EPHB1: variants seen among roughly 807,000 people sequenced by gnomAD.
EPHB1 encodes ephrin type-B receptor 1.
Under a neutral mutation model 94.4 loss-of-function variants are expected in EPHB1, and 30 were observed. That is an observed-to-expected ratio of 0.32 (90% CI 0.24 to 0.43). EPHB1 has a LOEUF of 0.43. Ranked by LOEUF, EPHB1 falls within the 20% of genes least tolerant of loss-of-function variation. The probability of loss-of-function intolerance (pLI) is 1.00; values close to 1 mark genes in which losing one functional copy is unlikely to be tolerated. For synonymous variants in EPHB1, 522 were observed against 489.1 expected (o/e 1.07, Z -0.89); for missense variants, 1,055 against 1,308.3 (o/e 0.81, Z 2.99).
intron 1 of EPHB1, among the ~76,000 whole-genome samples, chr3:134,825,455 T>C (rs1412576049): frequency 6.6e-6 from 1 of 152,250 alleles, no homozygotes; most frequent in Non-Finnish European, 1.5e-5. Flanking sequence ...CATCTAAGCC[T>C]ATAAAAATGC....
At chr3:135,227,157 A>C (rs1943422121) in intron 12 of EPHB1, among the ~76,000 whole-genome samples, 1 of 152,266 alleles carries the variant, frequency 6.6e-6, no homozygotes, top group African/African-American at 2.4e-5. Flanking sequence ...TCTGAAATTT[A>C]AAAACAAATG....
chr3:134,810,304 T>TGTGC (rs1321011059), intron 1 of EPHB1, among the ~76,000 whole-genome samples: 6 of 151,684 alleles, frequency 4.0e-5, no homozygotes, highest in Admixed American at 3.9e-4. Flanking sequence ...TGTGTGTGTG[T>TGTGC]GTGTGTATTT....
intron 3 of EPHB1, among the ~76,000 whole-genome samples, chr3:134,973,425 CTTTTT>C (rs10664147): frequency 6.6e-5 from 6 of 91,016 alleles, no homozygotes; most frequent in South Asian, 4.8e-4. Flanking sequence ...GTCTTCTAGT[CTTTTT>C]TTTTTTTTTT....
chr3:135,166,877 G>A (rs1941665784), intron 8 of EPHB1, 65 bp from the exon 9 acceptor site: 2 of 1,576,624 alleles, frequency 1.3e-6, no homozygotes, highest in African/African-American at 2.7e-5. Flanking sequence ...GGCCTAGATG[G>A]AGGTACCTGG....
At chr3:135,245,207 C>T (rs764226357) in intron 13 of EPHB1, among the ~76,000 whole-genome samples, 29 of 152,186 alleles carry the variant, frequency 1.9e-4, no homozygotes, top group Non-Finnish European at 3.7e-4. Context: ...TACTCATCTG[C>T]GCTGTGCTCA....
At chr3:135,055,828 A>C (rs1937330668) in intron 3 of EPHB1, among the ~76,000 whole-genome samples, 1 of 152,178 alleles carries the variant, frequency 6.6e-6, no homozygotes, top group African/African-American at 2.4e-5. Flanking sequence ...GTCACCACAC[A>C]GGTCTGAGTA....
At chr3:135,075,980 G>A (rs1937897207) in intron 3 of EPHB1, among the ~76,000 whole-genome samples, 1 of 152,136 alleles carries the variant, frequency 6.6e-6, no homozygotes, top group African/African-American at 2.4e-5. Context: ...GCTTCCTGGT[G>A]TTTATTTGGA....
At chr3:134,840,585 A>G (rs1432315910) in intron 1 of EPHB1, 2 of 152,224 alleles carry the variant, frequency 1.3e-5, no homozygotes, top group Admixed American at 6.5e-5. Context: ...ACCTAATTAT[A>G]TAGCTCTTGG....
At chr3:134,865,076 GTGTGTGTGTGCA>G in intron 1 of EPHB1, among the ~76,000 whole-genome samples, 1 of 152,234 alleles carries the variant, frequency 6.6e-6, no homozygotes. Context: ...ATACGTGTGT[GTGTGTGTGTGCA>G]TGTGTGTGTG....
intron 13 of EPHB1, among the ~76,000 whole-genome samples, chr3:135,243,472 T>C (rs979589883): frequency 3.9e-5 from 6 of 152,106 alleles, no homozygotes. Context: ...ATCTGTAGAG[T>C]AGCAGTTTAT....
chr3:134,975,099 AT>A (rs1934132319), intron 3 of EPHB1, among the ~76,000 whole-genome samples: 1 of 152,124 alleles, frequency 6.6e-6, no homozygotes, highest in Non-Finnish European at 1.5e-5. Flanking sequence ...AAAAGCCGGC[AT>A]TGATTTTTCT....
At chr3:135,155,631 C>T (rs1408149287) in intron 6 of EPHB1, among the ~76,000 whole-genome samples, 1 of 151,276 alleles carries the variant, frequency 6.6e-6, no homozygotes, top group Non-Finnish European at 1.5e-5. Flanking sequence ...TAATGAAACC[C>T]CATCTCTACT....
chr3:135,079,989 G>C (rs1938106657), intron 3 of EPHB1, among the ~76,000 whole-genome samples: 1 of 152,152 alleles, frequency 6.6e-6, no homozygotes, highest in Admixed American at 6.5e-5. Flanking sequence ...GTGTGACAGT[G>C]CATCTCTGTA....
chr3:135,025,573 G>T (rs1936134371), intron 3 of EPHB1, among the ~76,000 whole-genome samples: 1 of 51,264 alleles, frequency 2.0e-5, no homozygotes, highest in Non-Finnish European at 4.7e-5. Flanking sequence ...AGTATTCCAT[G>T]GTGTATATGT....
intron 10 of EPHB1, among the ~76,000 whole-genome samples, chr3:135,190,724 C>T (rs1285386621): frequency 6.6e-6 from 1 of 152,186 alleles, no homozygotes; most frequent in East Asian, 1.9e-4. Flanking sequence ...AGTGGTACTT[C>T]TATTTCTGGA....
At position 135,132,824 on chromosome 3, in the gene EPHB1, A is replaced by G; in HGVS notation, c.1072A>G (p.Ile358Val). ...TGGRDDVTYN[I>V]ICKKCRADRR... ...TGGGCGGGATGATGTGACCTACAAC[A>G]TCATCTGCAAAAAGTGCCGGGCAGA... Residue 358 changes from isoleucine to valine, a missense_variant, in exon 5 of 16, where the codon ATC (isoleucine) becomes GTC (valine). Physicochemically the swap from Ile to Val is conservative, Grantham distance 29. Transcript: ENST00000398015. 6.2e-7 allele frequency: 1 copy of G among 1,613,998 alleles called. No individual in the cohort carries two copies. Among genetic ancestry groups the G allele is most frequent in the Non-Finnish European group, 8.5e-7 (1 of 1,179,890 alleles).
At chr3:135,250,869 A>G (rs1431060826) in intron 15 of EPHB1, among the ~76,000 whole-genome samples, 2 of 152,170 alleles carry the variant, frequency 1.3e-5, no homozygotes, top group African/African-American at 4.8e-5. Context: ...CACCTGTTAT[A>G]CAATGGGCAC....
intron 3 of EPHB1, among the ~76,000 whole-genome samples, chr3:135,102,256 G>A (rs1166210541): frequency 1.3e-5 from 2 of 152,038 alleles, no homozygotes; most frequent in Non-Finnish European, 2.9e-5. Context: ...AGGCTGCCAG[G>A]GTCTCCACCA....
intron 3 of EPHB1, among the ~76,000 whole-genome samples, chr3:134,967,392 C>T (rs1933799973): frequency 6.6e-6 from 1 of 152,104 alleles, no homozygotes; most frequent in African/African-American, 2.4e-5. Context: ...GTCCTCAATG[C>T]AGCAGTGTTG....
Sources: gnomAD v4.1 joint callset for allele counts (sites outside exome capture counted in the v4.1 genomes callset) on GRCh38, gnomAD v4.1.1 for gene constraint, MANE v1.5 for transcripts, NCBI Gene and HGNC (gene_info 2026-07-23, HGNC 2026-07-21) for gene names.